Variants in GABRB2 observed in about 807,000 individuals in gnomAD.
GABRB2 encodes the protein gamma-aminobutyric acid receptor subunit beta-2.
Under a neutral mutation model 54.7 loss-of-function variants are expected in GABRB2, and 16 were observed. That is an observed-to-expected ratio of 0.29 (90% CI 0.20 to 0.44). The LOEUF (loss-of-function observed/expected upper bound fraction) is 0.44. GABRB2 is among the 20% of genes least tolerant of loss of function. GABRB2 has a pLI of 1.00. For missense variants in GABRB2, 355 were observed against 644.0 expected, an observed-to-expected ratio of 0.55 and a Z score of 4.86; for synonymous variants, 244 against 233.8, an observed-to-expected ratio of 1.04 and a Z score of -0.40.
At chr5:161,436,289 T>G (rs1475759578) in intron 4 of GABRB2, among the ~76,000 whole-genome samples, 1 of 152,122 alleles carries the variant, frequency 6.6e-6, no homozygotes, top group Admixed American at 6.5e-5. Flanking sequence ...TCCCAGCACT[T>G]TGGGAGGCCA....
rs1397116642 is a variant in GABRB2 at position 161,295,310 on chromosome 5, A to G, written c.1192-882T>C. 3.3e-5 allele frequency among the ~76,000 whole-genome samples: 5 copies of G among 152,356 alleles called. No homozygotes were observed. The East Asian group carries it at 7.7e-4, about 24-fold the overall frequency. On this transcript the variant is annotated intron_variant, in intron 9 of 9. Transcript: ENST00000393959. ...AATTTCTTCTTGCAAAGCTAAAAGCAAAGGATAAATAGATATCATGATTCC... is the reference window on the plus strand; with the variant it reads ...AATTTCTTCTTGCAAAGCTAAAAGCGAAGGATAAATAGATATCATGATTCC...
intron 3 of GABRB2, among the ~76,000 whole-genome samples, chr5:161,476,796 T>C (rs1164297638): frequency 6.6e-6 from 1 of 151,842 alleles, no homozygotes; most frequent in Non-Finnish European, 1.5e-5. Flanking sequence ...TAACCCAAAA[T>C]GGATTAAAGG....
intron 5 of GABRB2, among the ~76,000 whole-genome samples, chr5:161,355,106 C>G (rs567105347): frequency 6.6e-6 from 1 of 151,768 alleles, no homozygotes; most frequent in South Asian, 2.1e-4. Flanking sequence ...TAAGATGTCA[C>G]CCAGGTCCCC....
At chr5:161,525,903 G>T (rs921702773) in intron 3 of GABRB2, among the ~76,000 whole-genome samples, 2 of 151,370 alleles carry the variant, frequency 1.3e-5, no homozygotes, top group African/African-American at 4.8e-5. Flanking sequence ...TATGTGTGTA[G>T]AGGTGAGTGT....
chr5:161,450,988 T>C (rs1247465906), intron 4 of GABRB2, among the ~76,000 whole-genome samples: 1 of 152,100 alleles, frequency 6.6e-6, no homozygotes, highest in East Asian at 1.9e-4. Flanking sequence ...TGACAAAATA[T>C]ATTCACTCAA....
In GABRB2 at chr5:161,294,523, T is replaced by C; in HGVS notation, c.1192-95A>G. ...CTATGATCGGCACTTAAGGGATTTATAGGAGTGGTAAAGAGAGCTACCTTT... is the reference window on the plus strand; with the variant it reads ...CTATGATCGGCACTTAAGGGATTTACAGGAGTGGTAAAGAGAGCTACCTTT... On this transcript the variant is annotated intron_variant, in intron 9 of 9. Transcript: ENST00000393959. 7 of 1,038,492 alleles carry C rather than the reference T, an allele frequency of 6.7e-6. No individual in the cohort carries two copies. The South Asian group carries it at 7.8e-5, about 12-fold the overall frequency. The allele number at this position is 1,038,492 out of a possible 1,614,324, so 64.3% of individuals were successfully genotyped here.
At chr5:161,366,575 A>C (rs2113460652) in intron 5 of GABRB2, among the ~76,000 whole-genome samples, 1 of 152,290 alleles carries the variant, frequency 6.6e-6, no homozygotes, top group Admixed American at 6.5e-5. Context: ...CTTTTAGCAC[A>C]AGGTAAGTGC....
chr5:161,396,177 C>T (rs901912698), intron 5 of GABRB2, among the ~76,000 whole-genome samples: 4 of 152,118 alleles, frequency 2.6e-5, no homozygotes, highest in African/African-American at 9.7e-5. Flanking sequence ...AGAAACGAGG[C>T]CTAGAAAAAT....
chr5:161,298,750 CT>C (rs1374504921), intron 9 of GABRB2, among the ~76,000 whole-genome samples: 1 of 152,156 alleles, frequency 6.6e-6, no homozygotes, highest in Non-Finnish European at 1.5e-5. Flanking sequence ...TCAGATGCCC[CT>C]TTTTAACCCT....
rs542850055 is a variant in GABRB2, at chr5:161,371,524, A to T, written c.542-34755T>A. Among the ~76,000 whole-genome samples the T allele has an allele frequency of 8.5e-5, 13 of 152,314 alleles. No homozygotes were observed. The East Asian group carries it at 2.5e-3, about 29-fold the overall frequency. The stretch of plus-strand genomic sequence containing the variant: ...TGGGATGATACAGCATAGCACCCCA[A>T]TCAGCCTATGCAACAGAGCCTTATT... On this transcript the variant is annotated intron_variant, in intron 5 of 9. Transcript: ENST00000393959.
intron 3 of GABRB2, among the ~76,000 whole-genome samples, chr5:161,467,969 A>C (rs1413944371): frequency 6.6e-6 from 1 of 152,096 alleles, no homozygotes; most frequent in East Asian, 1.9e-4. Context: ...CTTTGCTCTG[A>C]TCTTTGCATT....
At chr5:161,349,098 G>A (rs561772209) in intron 5 of GABRB2, among the ~76,000 whole-genome samples, 32 of 152,048 alleles carry the variant, frequency 2.1e-4, no homozygotes, top group Non-Finnish European at 3.4e-4. Context: ...GGGACTTCTC[G>A]CATAGAATAA....
intron 4 of GABRB2, among the ~76,000 whole-genome samples, chr5:161,450,052 G>A (rs935131711): frequency 6.6e-6 from 1 of 152,032 alleles, no homozygotes; most frequent in African/African-American, 2.4e-5. Flanking sequence ...TGCAGACAAG[G>A]TCTACTTCCA....
At chr5:161,434,085 A>G (rs1306866863) in intron 4 of GABRB2, among the ~76,000 whole-genome samples, 2 of 152,176 alleles carry the variant, frequency 1.3e-5, no homozygotes. Context: ...AAGGATTTCT[A>G]AATATTAAAA....
chr5:161,411,220 A>ATTCAGG (rs1723927396), intron 4 of GABRB2, among the ~76,000 whole-genome samples, 163 bp from the exon 5 acceptor site: 1 of 152,190 alleles, frequency 6.6e-6, no homozygotes, highest in African/African-American at 2.4e-5. Flanking sequence ...TCTCACACTG[A>ATTCAGG]TTCAGAAGAT....
chr5:161,548,204 C>A (rs1363331528), upstream of GABRB2: 1 of 152,474 alleles, frequency 6.6e-6, no homozygotes, highest in Non-Finnish European at 1.5e-5. Flanking sequence ...CGCCGGGACC[C>A]GGAGGAGGCA....
At chr5:161,309,964 C>G (rs958447347) in intron 9 of GABRB2, among the ~76,000 whole-genome samples, 5 of 152,088 alleles carry the variant, frequency 3.3e-5, no homozygotes, top group African/African-American at 1.2e-4. Context: ...CATATATACT[C>G]TGGAATACTA....
intron 7 of GABRB2, among the ~76,000 whole-genome samples, chr5:161,333,421 A>G (rs550305108): frequency 6.6e-6 from 1 of 152,312 alleles, no homozygotes; most frequent in Non-Finnish European, 1.5e-5. Flanking sequence ...GCAAGTGTAT[A>G]TATCACAGGT....
intron 5 of GABRB2, among the ~76,000 whole-genome samples, chr5:161,406,471 C>T (rs912180257): frequency 2.0e-5 from 3 of 151,804 alleles, no homozygotes; most frequent in African/African-American, 4.8e-5. Flanking sequence ...TAGTGCAATC[C>T]GTGGCAGTAT....
Sources: allele counts gnomAD v4.1 joint callset (sites outside exome capture counted in the v4.1 genomes callset), GRCh38; gene constraint gnomAD v4.1.1; transcripts MANE v1.5; gene names NCBI Gene and HGNC (gene_info 2026-07-23, HGNC 2026-07-21).